Variants in FAM227B observed in about 807,000 individuals in gnomAD.
The protein encoded by FAM227B is family with sequence similarity 227 member B.
In FAM227B, 88 loss-of-function variants were observed where a neutral mutation model predicts 73.8. The ratio of observed to expected loss-of-function variants is 1.19; its 90% CI spans 1.00 to 1.42. The LOEUF (loss-of-function observed/expected upper bound fraction) is 1.42. FAM227B is among the 40% of genes most tolerant of loss of function. The pLI is 0.00. For synonymous variants in FAM227B, 210 were observed against 190.5 expected, an observed-to-expected ratio of 1.10 and a Z score of -0.84; for missense variants, 632 against 590.9, an observed-to-expected ratio of 1.07 and a Z score of -0.72.
rs767121723 is a variant in FAM227B, at chr15:49,541,681, T to C, written c.873A>G (p.Ser291=). ...DLGNNIFLWC[S]GLKPQKGFWI... ...AATATTTAAATGATATATTCATACC[T>C]GAACACCAAAGAAAAATGTTATTCC... is the stretch of plus-strand genomic sequence containing the variant. Residue 291 remains serine, a splice_region_variant and synonymous_variant, in exon 10 of 16, where the codon TCA becomes TCG. Transcript: ENST00000299338. 6.7e-7 allele frequency: 1 copy of C among 1,502,212 alleles called. No individual in the cohort carries two copies. Among genetic ancestry groups the C allele is most frequent in the South Asian group, 1.4e-5 (1 of 69,360 alleles). The allele number at this position is 1,502,212 out of a possible 1,614,324, so 93.1% of individuals were successfully genotyped here.
intron 13 of FAM227B, among the ~76,000 whole-genome samples, chr15:49,355,337 T>C (rs1033445967): frequency 2.6e-5 from 4 of 152,094 alleles, no homozygotes; most frequent in Non-Finnish European, 5.9e-5. Flanking sequence ...AGTTGAAAAC[T>C]TTGAAAAAAA....
chr15:49,401,413 C>G (rs2048138249), intron 11 of FAM227B, among the ~76,000 whole-genome samples: 1 of 151,960 alleles, frequency 6.6e-6, no homozygotes, highest in Admixed American at 6.6e-5. Context: ...GGACTGTAAA[C>G]TAGTTCAACC....
chr15:49,328,851 A>G, intron 15 of FAM227B, 176 bp from the exon 16 acceptor site: 1 of 1,361,794 alleles, frequency 7.3e-7, no homozygotes, highest in Non-Finnish European at 9.5e-7. Flanking sequence ...ACCATGTAAT[A>G]TATAAATAAC....
At chr15:49,376,123 A>T (rs2046146562) in intron 11 of FAM227B, among the ~76,000 whole-genome samples, 1 of 152,122 alleles carries the variant, frequency 6.6e-6, no homozygotes, top group African/African-American at 2.4e-5. Context: ...CTTTGTGTGA[A>T]AAGAGAGATA....
rs1181037476 is a variant in FAM227B at position 49,591,633 on chromosome 15, G to A, written c.106-1626C>T. Among the ~76,000 whole-genome samples the A allele has an allele frequency of 5.3e-5, 8 of 150,706 alleles. 1 individual carries two copies. The highest frequency in any genetic ancestry group is 1.5e-4 in the African/African-American group (6 of 40,948). ...CCCAAGTAGCTGGGATTACAGGCAC[G>A]TGCCACCATGCCCAACTAATTTTTG... On this transcript the variant is annotated intron_variant, in intron 3 of 15. Coordinates refer to ENST00000299338, the MANE Select transcript of FAM227B (RefSeq NM_152647.3).
chr15:49,351,105 C>G (rs763676408), intron 13 of FAM227B, among the ~76,000 whole-genome samples: 9 of 152,162 alleles, frequency 5.9e-5, no homozygotes, highest in Admixed American at 6.5e-5. Flanking sequence ...ATAAACTATC[C>G]ATTGTGTAGA....
rs1165172123 is a variant in FAM227B at position 49,477,220 on chromosome 15, G to A, written c.1012+30991C>T. On this transcript the variant is annotated intron_variant, in intron 11 of 15. Coordinates refer to ENST00000299338, the MANE Select transcript of FAM227B (RefSeq NM_152647.3). ...GCCATCAGTTTATACTAAGGTCCACGTTTTGCTTTGTATAGTTCTATGAGT... is the reference window on the plus strand; with the variant it reads ...GCCATCAGTTTATACTAAGGTCCACATTTTGCTTTGTATAGTTCTATGAGT... Among the ~76,000 whole-genome samples, 8 of 152,196 alleles carry A rather than the reference G, an allele frequency of 5.3e-5. No homozygotes were observed. In the East Asian group the frequency reaches 5.8e-4, roughly 11 times the overall value.
chr15:49,584,109 C>G (rs1324539348), intron 5 of FAM227B, among the ~76,000 whole-genome samples: 1 of 152,120 alleles, frequency 6.6e-6, no homozygotes, highest in Non-Finnish European at 1.5e-5. Context: ...ATGCAAAAAT[C>G]CTCAACAAAA....
chr15:49,500,030 A>C (rs1400759095), intron 11 of FAM227B, among the ~76,000 whole-genome samples: 1 of 152,206 alleles, frequency 6.6e-6, no homozygotes, highest in Non-Finnish European at 1.5e-5. Context: ...TTGTTTTTTA[A>C]AAGATGTTAT....
intron 11 of FAM227B, among the ~76,000 whole-genome samples, chr15:49,376,399 T>A (rs2046165564): frequency 6.6e-6 from 1 of 152,124 alleles, no homozygotes; most frequent in Non-Finnish European, 1.5e-5. Flanking sequence ...TTGAATGGTC[T>A]CAACATTCTT....
intron 11 of FAM227B, among the ~76,000 whole-genome samples, chr15:49,390,673 G>A (rs1369455398): frequency 3.3e-5 from 5 of 151,748 alleles, no homozygotes; most frequent in Non-Finnish European, 7.4e-5. Flanking sequence ...TTCCTTATCT[G>A]CTTATTTAAA....
intron 11 of FAM227B, among the ~76,000 whole-genome samples, chr15:49,414,782 GAATT>G (rs989573711): frequency 1.7e-4 from 26 of 152,076 alleles, no homozygotes; most frequent in African/African-American, 6.0e-4. Flanking sequence ...ACATTTTTTG[GAATT>G]AATTAGAGGA....
At chr15:49,561,773 A>G (rs1341572433) in intron 9 of FAM227B, among the ~76,000 whole-genome samples, 1 of 152,182 alleles carries the variant, frequency 6.6e-6, no homozygotes, top group African/African-American at 2.4e-5. Context: ...TAAGTTAGAC[A>G]CAAATAAACA....
chr15:49,497,243 T>C (rs1267218080), intron 11 of FAM227B, among the ~76,000 whole-genome samples: 1 of 152,222 alleles, frequency 6.6e-6, no homozygotes, highest in Non-Finnish European at 1.5e-5. Context: ...CATTAGGGAC[T>C]ATAGTATAGG....
At chr15:49,597,230 A>G (rs78525721) in intron 3 of FAM227B, among the ~76,000 whole-genome samples, 2 of 152,008 alleles carry the variant, frequency 1.3e-5, no homozygotes, top group African/African-American at 4.8e-5. Context: ...GCCACAAAAC[A>G]AGTCTCAATA....
chr15:49,480,057 AAT>A (rs1347199574), intron 11 of FAM227B, among the ~76,000 whole-genome samples: 1 of 152,194 alleles, frequency 6.6e-6, no homozygotes, highest in Non-Finnish European at 1.5e-5. Flanking sequence ...CATGGAACAA[AAT>A]AGACTAGAAA....
At chr15:49,424,672 T>C in intron 11 of FAM227B, 3 of 1,061,660 alleles carry the variant, frequency 2.8e-6, no homozygotes, top group Non-Finnish European at 4.0e-6. Context: ...TTCCTTTTGC[T>C]TCTTGGAAAA....
At chr15:49,528,219 T>A (rs2060348946) in intron 10 of FAM227B, among the ~76,000 whole-genome samples, 1 of 151,882 alleles carries the variant, frequency 6.6e-6, no homozygotes, top group South Asian at 2.1e-4. Flanking sequence ...AATTGATCTT[T>A]GACTAAGTCA....
chr15:49,436,311 T>C (rs1039797526), intron 11 of FAM227B, among the ~76,000 whole-genome samples: 6 of 151,622 alleles, frequency 4.0e-5, no homozygotes, highest in African/African-American at 1.5e-4. Flanking sequence ...AGATATTGCA[T>C]AGTAGGTCTG....
Sources: allele counts gnomAD v4.1 joint callset (sites outside exome capture counted in the v4.1 genomes callset), GRCh38; gene constraint gnomAD v4.1.1; transcripts MANE v1.5; gene names NCBI Gene and HGNC (gene_info 2026-07-23, HGNC 2026-07-21).